Variants in ENAH observed in about 807,000 individuals in gnomAD.
The protein encoded by ENAH is ENAH actin regulator.
Under a neutral mutation model 78.7 loss-of-function variants are expected in ENAH, and 23 were observed. The ratio of observed to expected loss-of-function variants is 0.29; its 90% confidence interval spans 0.21 to 0.41. The LOEUF is 0.41. ENAH is among the 10% of genes least tolerant of loss of function. The probability of loss-of-function intolerance (pLI) is 1.00; values close to 1 mark genes in which losing one functional copy is unlikely to be tolerated. For synonymous variants in ENAH, 226 were observed against 241.0 expected (o/e 0.94, Z 0.58); for missense variants, 544 against 691.0 (o/e 0.79, Z 2.39).
intron 1 of ENAH, among the ~76,000 whole-genome samples, chr1:225,600,022 C>A (rs932270987): frequency 6.6e-6 from 1 of 152,088 alleles, no homozygotes; most frequent in African/African-American, 2.4e-5. Flanking sequence ...CATGCCTACT[C>A]CCACTTCACT....
Position 225,496,169 on chromosome 1 carries a change from A to C in ENAH, c.*1606T>G, listed in dbSNP as rs1186509249. 6.6e-6 allele frequency: 1 copy of C among 152,614 alleles called. No individual in the cohort carries two copies. Among genetic ancestry groups the C allele is most frequent in the Non-Finnish European group, 1.5e-5 (1 of 68,026 alleles). The allele number at this position is 152,614 out of a possible 1,614,324, so 9.5% of individuals were successfully genotyped here. ...GATGGAGAGCCTGGAGAGTTTCTTA[A>C]ATTTTCCAAAAAGCTATCATTCCAA... On this transcript the variant is annotated 3_prime_UTR_variant, in exon 14 of 14. Coordinates refer to ENST00000366843, the MANE Select transcript of ENAH (RefSeq NM_018212.6).
At chr1:225,583,855 A>C (rs901621712) in intron 1 of ENAH, among the ~76,000 whole-genome samples, 3 of 151,738 alleles carry the variant, frequency 2.0e-5, no homozygotes, top group Non-Finnish European at 4.4e-5. Context: ...GAAGAGCATC[A>C]AAAATGGTAA....
chr1:225,521,641 CAAAA>C (rs559523159), intron 4 of ENAH, among the ~76,000 whole-genome samples: 5 of 69,334 alleles, frequency 7.2e-5, no homozygotes, highest in Non-Finnish European at 3.6e-5. Flanking sequence ...ACCCTGTCTC[CAAAA>C]AAAAAAAAAA....
chr1:225,598,138 A>C (rs2096911704), intron 1 of ENAH, among the ~76,000 whole-genome samples: 1 of 152,336 alleles, frequency 6.6e-6, no homozygotes, highest in African/African-American at 2.4e-5. Context: ...TTAACACACT[A>C]ATGACTCATG....
chr1:225,557,453 A>G (rs1025531503), intron 2 of ENAH, among the ~76,000 whole-genome samples: 4 of 152,194 alleles, frequency 2.6e-5, no homozygotes, highest in African/African-American at 7.2e-5. Context: ...TACAATGCTG[A>G]AAAAAAGTGT....
At chr1:225,501,814 T>G (rs2151046328) in intron 11 of ENAH, among the ~76,000 whole-genome samples, 2 of 152,312 alleles carry the variant, frequency 1.3e-5, no homozygotes, top group South Asian at 4.1e-4. Flanking sequence ...TTCAAAAGTT[T>G]AGTTTCTATT....
intron 4 of ENAH, among the ~76,000 whole-genome samples, chr1:225,521,760 T>C (rs780937930): frequency 2.0e-5 from 3 of 151,890 alleles, no homozygotes; most frequent in Non-Finnish European, 4.4e-5. Flanking sequence ...CATAAGAACG[T>C]TCAATGTGGG....
chr1:225,618,549 T>C (rs1159754077), intron 1 of ENAH, among the ~76,000 whole-genome samples: 8 of 152,198 alleles, frequency 5.3e-5, no homozygotes, highest in Admixed American at 5.2e-4. Context: ...TATTCACTAA[T>C]ACGTAGTTCA....
intron 3 of ENAH, among the ~76,000 whole-genome samples, chr1:225,536,200 T>C (rs1482269521): frequency 2.0e-5 from 3 of 152,170 alleles, no homozygotes; most frequent in Non-Finnish European, 2.9e-5. Context: ...AAATGTCTTA[T>C]TAAAAATGTG....
chr1:225,606,460 CAAA>C (rs1226059203), intron 1 of ENAH, among the ~76,000 whole-genome samples: 7 of 94,830 alleles, frequency 7.4e-5, no homozygotes, highest in Admixed American at 1.1e-4. Context: ...GACTCCATCT[CAAA>C]AAAAAAAAAA....
intron 3 of ENAH, among the ~76,000 whole-genome samples, chr1:225,539,751 T>C (rs773131313): frequency 6.6e-6 from 1 of 152,200 alleles, no homozygotes; most frequent in African/African-American, 2.4e-5. Context: ...TTCTCAAATA[T>C]GCTGTATCAC....
chr1:225,585,473 T>C (rs1453467938), intron 1 of ENAH, among the ~76,000 whole-genome samples: 1 of 151,708 alleles, frequency 6.6e-6, no homozygotes, highest in Non-Finnish European at 1.5e-5. Flanking sequence ...AGATAGATGA[T>C]ATGCTGGGCC....
At chr1:225,557,833 A>T (rs1025498402) in intron 2 of ENAH, among the ~76,000 whole-genome samples, 8 of 152,264 alleles carry the variant, frequency 5.3e-5, no homozygotes, top group Middle Eastern at 6.8e-3. Flanking sequence ...AAAATAAATA[A>T]ATATATAAAT....
At chr1:225,637,102 G>A (rs1271634386) in intron 1 of ENAH, among the ~76,000 whole-genome samples, 1 of 152,220 alleles carries the variant, frequency 6.6e-6, no homozygotes, top group Non-Finnish European at 1.5e-5. Context: ...GAAAGGCACT[G>A]CTGAACTGTT....
chr1:225,624,742 G>A (rs891408860), intron 1 of ENAH, among the ~76,000 whole-genome samples: 3 of 152,184 alleles, frequency 2.0e-5, no homozygotes, highest in Admixed American at 2.0e-4. Flanking sequence ...GACAATGAAA[G>A]GATGCTGTGA....
chr1:225,572,803 G>A (rs562689536), intron 1 of ENAH, among the ~76,000 whole-genome samples: 1 of 152,250 alleles, frequency 6.6e-6, no homozygotes, highest in Non-Finnish European at 1.5e-5. Context: ...CACTAAATTA[G>A]TTATAAACAA....
chr1:225,578,100 C>T (rs552050700), intron 1 of ENAH, among the ~76,000 whole-genome samples: 34 of 152,244 alleles, frequency 2.2e-4, no homozygotes, highest in African/African-American at 4.1e-4. Flanking sequence ...TTTCCATATT[C>T]TTAGAACCAT....
rs1206713271 is a variant in ENAH at position 225,488,071 on chromosome 1, C to T, written c.*9704G>A. On this transcript the variant is annotated 3_prime_UTR_variant, in exon 14 of 14. Transcript: ENST00000366843. ...AACAAACAAACAAACACCACCAAAG[C>T]TTTCCGCCATTCATGCACATGCTTA... 3.9e-5 allele frequency: 6 copies of T among 152,402 alleles called. No individual in the cohort carries two copies. In the East Asian group the frequency reaches 1.2e-3, roughly 29 times the overall value. The allele number at this position is 152,402 out of a possible 1,614,324, so 9.4% of individuals were successfully genotyped here. A position where few individuals can be genotyped will look rare whatever the true frequency, so the allele number is the denominator to read the frequency against.
In ENAH at chr1:225,610,630, A is replaced by C. The variant is rs561433611; in HGVS notation, c.5+42056T>G. ...TGAAGGGGTCACAATCCAAACTTAA[A>C]ACTAACCAAATAAATGAACAAAAGA... is the stretch of plus-strand genomic sequence containing the variant. On this transcript the variant is annotated intron_variant, in intron 1 of 13. Transcript: ENST00000366843. 3.9e-4 allele frequency among the ~76,000 whole-genome samples: 59 copies of C among 152,272 alleles called. 1 individual carries two copies. The highest frequency in any genetic ancestry group is 1.7e-3 in the South Asian group (8 of 4,832).
Sources: gnomAD v4.1 joint callset for allele counts (sites outside exome capture counted in the v4.1 genomes callset) on GRCh38, gnomAD v4.1.1 for gene constraint, MANE v1.5 for transcripts, NCBI Gene and HGNC (gene_info 2026-07-23, HGNC 2026-07-21) for gene names.